B3GNT2: variants seen among roughly 807,000 people sequenced by gnomAD.
The protein encoded by B3GNT2 is N-acetyllactosaminide beta-1,3-N-acetylglucosaminyltransferase 2.
B3GNT2 carries 12 observed loss-of-function variants against 27.6 expected under a neutral mutation model. The observed-to-expected ratio is 0.44, with a 90% CI of 0.28 to 0.71. B3GNT2 has a LOEUF of 0.71. Among genes scored for constraint, B3GNT2 ranks in the 30% least tolerant of loss-of-function variants. The pLI is 0.17. For synonymous variants in B3GNT2, 192 were observed against 189.7 expected (o/e 1.01, Z -0.10); for missense variants, 413 against 488.5 (o/e 0.85, Z 1.46).
Position 62,223,651 on chromosome 2 carries a change from T to C in B3GNT2, c.*237T>C. ...GATTGGTTCTGATCTTACCGGCTAG[T>C]GGTCATTTTTAAAAAACTTGTACCC... On this transcript the variant is annotated 3_prime_UTR_variant, in exon 2 of 2. Coordinates refer to ENST00000301998, the MANE Select transcript of B3GNT2 (RefSeq NM_006577.6). The C allele has an allele frequency of 5.1e-6, 2 of 395,832 alleles. No individual in the cohort carries two copies. Among genetic ancestry groups the C allele is most frequent in the East Asian group, 8.7e-5 (2 of 23,016 alleles). The allele number at this position is 395,832 out of a possible 1,614,324, so 24.5% of individuals were successfully genotyped here.
intron 1 of B3GNT2, among the ~76,000 whole-genome samples, chr2:62,217,647 C>T (rs1015724321): frequency 2.0e-5 from 3 of 152,158 alleles, no homozygotes; most frequent in African/African-American, 4.8e-5. Context: ...CAGGGAACCC[C>T]GCATGGGGCT....
chr2:62,202,407 T>C (rs150224586), intron 1 of B3GNT2, among the ~76,000 whole-genome samples: 1 of 152,242 alleles, frequency 6.6e-6, no homozygotes, highest in African/African-American at 2.4e-5. Context: ...TAGAGGTCTT[T>C]TGGGGAAACA....
chr2:62,202,471 C>T (rs1158677793), intron 1 of B3GNT2, among the ~76,000 whole-genome samples: 1 of 152,034 alleles, frequency 6.6e-6, no homozygotes, highest in Non-Finnish European at 1.5e-5. Context: ...TGTAATAGGC[C>T]ATGATGCAAT....
intron 1 of B3GNT2, among the ~76,000 whole-genome samples, chr2:62,220,636 T>G (rs982720201): frequency 6.6e-6 from 1 of 152,226 alleles, no homozygotes; most frequent in African/African-American, 2.4e-5. Context: ...GGAATCTGTT[T>G]GCCTTGGCTG....
intron 1 of B3GNT2, among the ~76,000 whole-genome samples, chr2:62,200,205 A>G (rs1415029392): frequency 6.6e-6 from 1 of 152,158 alleles, no homozygotes; most frequent in African/African-American, 2.4e-5. Context: ...CATAACATGT[A>G]TCTTGTGCAA....
At chr2:62,218,777 T>C (rs904085072) in intron 1 of B3GNT2, among the ~76,000 whole-genome samples, 12 of 152,202 alleles carry the variant, frequency 7.9e-5, no homozygotes, top group African/African-American at 2.9e-4. Context: ...CAATGAGAAA[T>C]GAGCAGGAAA....
Position 62,222,427 on chromosome 2 carries a change from G to A in B3GNT2, c.207G>A (p.Gln69=), listed in dbSNP as rs1319524448. 2.5e-6 allele frequency: 4 copies of A among 1,614,178 alleles called. No individual in the cohort carries two copies. Among genetic ancestry groups the A allele is most frequent in the South Asian group, 1.1e-5 (1 of 91,070 alleles). ...WNREQEKLNR[Q]YNPILSMLTN... is the part of the protein sequence containing the mutation. The stretch of plus-strand genomic sequence containing the variant: ...GAGAGCAAGAGAAGCTGAACCGGCA[G>A]TACAACCCCATCCTGAGCATGCTGA... The change falls in exon 2 of 2, where the codon CAG becomes CAA. Residue 69 remains glutamine, a synonymous_variant. Transcript: ENST00000301998. The surrounding 1 kb of genome is among the most constrained non-coding windows in gnomAD (Gnocchi z 4.2).
chr2:62,223,912 C>T lies in B3GNT2; in HGVS notation c.*498C>T, dbSNP rs1674774400. On this transcript the variant is annotated 3_prime_UTR_variant, in exon 2 of 2. Transcript: ENST00000301998. ...TAAATTGTCTAGAAAACTGAAATTT[C>T]AGTTGTCAGTTGTGGAATTCAGTTT... 1 of 167,188 alleles carries T rather than the reference C, an allele frequency of 6.0e-6. No homozygotes were observed. The highest frequency in any genetic ancestry group is 2.4e-5 in the African/African-American group (1 of 41,410). 10.4% of individuals were successfully genotyped at this position (167,188 alleles called of 1,614,324 possible). A position where few individuals can be genotyped will look rare whatever the true frequency, so the allele number is the denominator to read the frequency against.
At chr2:62,200,058 TTTGTTACAAATTTTAAGAG>T (rs1371390984) in intron 1 of B3GNT2, among the ~76,000 whole-genome samples, 1 of 152,240 alleles carries the variant, frequency 6.6e-6, no homozygotes, top group Non-Finnish European at 1.5e-5. Flanking sequence ...GAGTTTTCTA[TTTGTTACAAATTTTAAGAG>T]TTGAGATTTT....
At chr2:62,217,259 A>T (rs1674593520) in intron 1 of B3GNT2, among the ~76,000 whole-genome samples, 1 of 152,202 alleles carries the variant, frequency 6.6e-6, no homozygotes, top group Admixed American at 6.5e-5. Flanking sequence ...TGCTTCCGTG[A>T]TTGTGTGATG....
chr2:62,218,474 A>G (rs999511460), intron 1 of B3GNT2, among the ~76,000 whole-genome samples: 1 of 152,158 alleles, frequency 6.6e-6, no homozygotes, highest in Non-Finnish European at 1.5e-5. Flanking sequence ...CTGTTTCCTG[A>G]GGTGGGGCTG....
intron 1 of B3GNT2, among the ~76,000 whole-genome samples, chr2:62,219,453 T>C (rs946131761): frequency 2.0e-5 from 3 of 152,184 alleles, no homozygotes; most frequent in Non-Finnish European, 4.4e-5. Context: ...TTTTGTATTT[T>C]TAGTAGAGGC....
intron 1 of B3GNT2, among the ~76,000 whole-genome samples, chr2:62,218,016 A>C (rs1674607792): frequency 6.6e-6 from 1 of 152,246 alleles, no homozygotes; most frequent in Non-Finnish European, 1.5e-5. Context: ...GTTACAACAG[A>C]AAGTCTGTGT....
At chr2:62,196,741 C>T (rs1674150768) in intron 1 of B3GNT2, among the ~76,000 whole-genome samples, 1 of 152,116 alleles carries the variant, frequency 6.6e-6, no homozygotes, top group South Asian at 2.1e-4. Flanking sequence ...GATCCGGCGC[C>T]GGGGCGATGC....
intron 1 of B3GNT2, among the ~76,000 whole-genome samples, chr2:62,208,399 C>T (rs1674419355): frequency 6.6e-6 from 1 of 152,088 alleles, no homozygotes; most frequent in Admixed American, 6.6e-5. Flanking sequence ...TTTTTAATTG[C>T]CTTCTTTCTC....
intron 1 of B3GNT2, among the ~76,000 whole-genome samples, chr2:62,213,545 C>T (rs1674517207): frequency 1.3e-5 from 2 of 152,170 alleles, no homozygotes; most frequent in African/African-American, 4.8e-5. Flanking sequence ...CAATCCCACA[C>T]ACCTGCACAC....
At chr2:62,205,341 GA>G (rs1313413737) in intron 1 of B3GNT2, among the ~76,000 whole-genome samples, 1 of 152,228 alleles carries the variant, frequency 6.6e-6, no homozygotes, top group East Asian at 1.9e-4. Context: ...TTTAAATACG[GA>G]AGCAAGTCTT....
At position 62,215,232 on chromosome 2, in the gene B3GNT2, T is replaced by C. The variant is rs1674550092; in HGVS notation, c.-9-6980T>C. 2.0e-5 allele frequency among the ~76,000 whole-genome samples: 3 copies of C among 152,180 alleles called. No homozygotes were observed. The South Asian group carries it at 6.2e-4, about 31-fold the overall frequency. ...ATTTGAACATGAAGGCTAAAAGTAA[T>C]GGCTGGGAACCAAATTCCTTAAATC... On this transcript the variant is annotated intron_variant, in intron 1 of 1. Coordinates refer to ENST00000301998, the MANE Select transcript of B3GNT2 (RefSeq NM_006577.6).
rs750648231 is a variant in B3GNT2, at chr2:62,222,511, A to T, written c.291A>T (p.Glu97Asp). 1.2e-6 allele frequency: 2 copies of T among 1,614,038 alleles called. No individual in the cohort carries two copies. Among genetic ancestry groups the T allele is most frequent in the African/African-American group, 2.7e-5 (2 of 74,912 alleles). Residue 97 changes from glutamate (E) to aspartate (D), a missense_variant, in exon 2 of 2, where the codon GAA (glutamate) becomes GAT (aspartate). Glu to Asp is a conservative substitution (Grantham distance 45, BLOSUM62 2). Transcript: ENST00000301998. This position sits in a 1 kb window ranked among gnomAD's most constrained non-coding sequence, Gnocchi z 4.2. Reference sequence around the variant, plus strand: ...ATATAAGCCATCTGAACTACTGCGAACCTGACCTGAGGGTCACGTCGGTGG... The same window carrying T: ...ATATAAGCCATCTGAACTACTGCGATCCTGACCTGAGGGTCACGTCGGTGG... ...LSNISHLNYC[E>D]PDLRVTSVVT...
Sources: gnomAD v4.1 joint callset for allele counts (sites outside exome capture counted in the v4.1 genomes callset) on GRCh38, gnomAD v4.1.1 for gene constraint, Gnocchi (gnomAD v3.1) non-coding constraint, MANE v1.5 for transcripts, NCBI Gene and HGNC (gene_info 2026-07-23, HGNC 2026-07-21) for gene names.